The following WDR35 variants were observed in gnomAD, a reference collection of about 807,000 sequenced individuals.
WDR35 encodes WD repeat-containing protein 35.
A neutral mutation model predicts 158.3 loss-of-function variants in WDR35; 118 were observed. The observed-to-expected ratio is 0.75, with a 90% CI of 0.64 to 0.87. The LOEUF (loss-of-function observed/expected upper bound fraction) is 0.87, where lower values mean the gene tolerates loss of function less well. Ranked by LOEUF, WDR35 falls within the 40% of genes least tolerant of loss-of-function variation. The probability of loss-of-function intolerance (pLI) is 0.00; values close to 1 mark genes in which losing one functional copy is unlikely to be tolerated. For synonymous variants in WDR35, 448 were observed against 476.1 expected (o/e 0.94, Z 0.77); for missense variants, 1,263 against 1,405.8 (o/e 0.90, Z 1.62).
intron 11 of WDR35, among the ~76,000 whole-genome samples, chr2:19,955,236 C>T (rs1671389679): frequency 1.3e-5 from 2 of 152,206 alleles, no homozygotes; most frequent in South Asian, 2.1e-4. Flanking sequence ...AGGCATGAGC[C>T]ACCCCGCCTG....
At chr2:19,933,620 T>C in intron 21 of WDR35, 109 bp from the exon 22 acceptor site, 3 of 950,820 alleles carry the variant, frequency 3.2e-6, no homozygotes, top group Non-Finnish European at 4.9e-6. Context: ...TACTGGTAGT[T>C]ACAGATTTTT....
Position 19,934,071 on chromosome 2 carries a change from C to CCAG in WDR35, c.2548-561_2548-560insCTG, listed in dbSNP as rs1308218184. 1.4e-5 allele frequency among the ~76,000 whole-genome samples: 2 copies of CCAG among 139,224 alleles called. No homozygotes were observed. Among genetic ancestry groups the CCAG allele is most frequent in the Admixed American group, 1.5e-4 (2 of 13,062 alleles). 91.3% of individuals were successfully genotyped at this position (139,224 alleles called of 152,430 possible). On this transcript the variant is annotated intron_variant, in intron 21 of 26. Transcript: ENST00000281405. This position sits in a 1 kb window ranked among gnomAD's most constrained non-coding sequence, Gnocchi z 4.6. The stretch of plus-strand genomic sequence containing the variant: ...ACCACCACCACCACCACCACCACCA[C>CCAG]CACAAAAAAAAATCCTACTTGTTCA...
chr2:19,936,550 T>C (rs747005652), intron 19 of WDR35, among the ~76,000 whole-genome samples, 185 bp from the exon 20 acceptor site: 6 of 152,122 alleles, frequency 3.9e-5, no homozygotes, highest in Non-Finnish European at 8.8e-5. Flanking sequence ...GAGGTTATGG[T>C]TTGAATGTGT....
chr2:19,917,521 T>G (rs1227020853), intron 25 of WDR35, among the ~76,000 whole-genome samples: 2 of 152,206 alleles, frequency 1.3e-5, no homozygotes, highest in Non-Finnish European at 2.9e-5. Flanking sequence ...AATTGCTAAC[T>G]AGAATAACCA....
intron 8 of WDR35, among the ~76,000 whole-genome samples, chr2:19,972,072 T>C (rs1170140065): frequency 6.6e-6 from 1 of 152,202 alleles, no homozygotes; most frequent in Admixed American, 6.5e-5. Flanking sequence ...AAGACCACAG[T>C]GCAAAACCCA....
Position 19,969,460 on chromosome 2 carries a change from C to T in WDR35, c.1008+20G>A. The T allele has an allele frequency of 1.9e-6, 3 of 1,602,024 alleles. No homozygotes were observed. Among genetic ancestry groups the T allele is most frequent in the Non-Finnish European group, 2.6e-6 (3 of 1,171,276 alleles). ...TTAGTAAGAAACACTGTTTATTTTA[C>T]AACTGCTCTTAATATTTACCTTATA... On this transcript the variant is annotated intron_variant, in intron 9 of 26. Coordinates refer to ENST00000281405, the MANE Select transcript of WDR35 (RefSeq NM_020779.4).
At chr2:19,985,408 T>A (rs1672526248) in intron 2 of WDR35, among the ~76,000 whole-genome samples, 1 of 149,214 alleles carries the variant, frequency 6.7e-6, no homozygotes. Context: ...AGGACCATCA[T>A]CCTCAAACCC....
rs376360763 is a variant in WDR35, at chr2:19,960,605, C to T, written c.1204G>A (p.Val402Ile). 4.4e-6 allele frequency: 7 copies of T among 1,608,106 alleles called. No individual in the cohort carries two copies. In the African/African-American group the frequency reaches 9.4e-5, roughly 22 times the overall value. Reference sequence around the variant, plus strand: ...GGTGTACCAATAGAATTACAAAGAACTAGTACAAACTGTGAACAAATAAAA... The same window carrying T: ...GGTGTACCAATAGAATTACAAAGAATTAGTACAAACTGTGAACAAATAAAA... ...ADENHPQFVL[V>I]LCNSIGTPLD... Residue 402 changes from valine (V) to isoleucine (I), a missense_variant, in exon 11 of 27, where the codon GTT becomes ATT. Val to Ile is a conservative substitution (Grantham distance 29). Transcript: ENST00000281405.
chr2:19,960,631 C>A lies in WDR35; in HGVS notation c.1195-17G>T. The A allele has an allele frequency of 6.4e-7, 1 of 1,572,204 alleles. No homozygotes were observed. Among genetic ancestry groups the A allele is most frequent in the Non-Finnish European group, 8.7e-7 (1 of 1,144,372 alleles). ...TAGTACAAACTGTGAACAAATAAAA[C>A]AAAAAGTATCAGAACTCCTGCTTAT... On this transcript the variant is annotated splice_polypyrimidine_tract_variant and intron_variant, in intron 10 of 26. Coordinates refer to ENST00000281405, the MANE Select transcript of WDR35 (RefSeq NM_020779.4).
chr2:19,975,604 C>T lies in WDR35; in HGVS notation c.496G>A (p.Ala166Thr), dbSNP rs371419460. 13 of 1,614,098 alleles carry T rather than the reference C, an allele frequency of 8.1e-6. 1 individual carries two copies. Among genetic ancestry groups the T allele is most frequent in the Middle Eastern group, 1.7e-4 (1 of 6,060 alleles). ...GIQLSHVTWS[A>T]DSKVLLFGMA... Reference sequence around the variant, plus strand: ...CCAAAAAGTAAGACTTTACTGTCCGCAGACCATGTTACATGGGATAGCTGT... The same window carrying T: ...CCAAAAAGTAAGACTTTACTGTCCGTAGACCATGTTACATGGGATAGCTGT... The change falls in exon 6 of 27, where the codon GCG becomes ACG. Residue 166 changes from alanine to threonine, a missense_variant. By Grantham distance (58) the Ala-to-Thr change is moderately conservative. Transcript: ENST00000281405.
In WDR35 at chr2:19,974,366, GC is replaced by G. The variant is rs756172337; in HGVS notation, c.736+101del. On this transcript the variant is annotated intron_variant, in intron 7 of 26. Coordinates refer to ENST00000281405, the MANE Select transcript of WDR35 (RefSeq NM_020779.4). Reference sequence around the variant, plus strand: ...AGAAGTTGCCGTGAGCCAAGATCGTGCCACTGCACTCCAGCCTGGGCGACAG... The same window carrying G: ...AGAAGTTGCCGTGAGCCAAGATCGTGCACTGCACTCCAGCCTGGGCGACAG... The G allele has an allele frequency of 6.8e-4, 815 of 1,202,262 alleles. 6 individuals are homozygous for G. Among genetic ancestry groups the G allele is most frequent in the Non-Finnish European group, 2.2e-4 (190 of 871,588 alleles). 74.5% of individuals were successfully genotyped at this position (1,202,262 alleles called of 1,614,324 possible).
intron 13 of WDR35, among the ~76,000 whole-genome samples, chr2:19,948,498 G>T (rs1377966740): frequency 6.6e-6 from 1 of 152,112 alleles, no homozygotes; most frequent in South Asian, 2.1e-4. Context: ...AGAAACAGAG[G>T]TTATGACAGT....
Position 19,912,553 on chromosome 2 carries a change from G to T in WDR35, c.*1005C>A, listed in dbSNP as rs746476400. ...ATTGTAGCTGCAAAAACAAAGTTGC[G>T]TATCTCTATGTATTGCCTCTACTAT... On this transcript the variant is annotated 3_prime_UTR_variant, in exon 27 of 27. Transcript: ENST00000281405. The T allele has an allele frequency of 6.6e-6, 1 of 152,182 alleles. No homozygotes were observed. The highest frequency in any genetic ancestry group is 1.5e-5 in the Non-Finnish European group (1 of 68,022). 9.4% of individuals were successfully genotyped at this position (152,182 alleles called of 1,614,324 possible).
At chr2:19,969,419 GC>G in intron 9 of WDR35, 60 bp downstream of exon 9, 1 of 1,540,740 alleles carries the variant, frequency 6.5e-7, no homozygotes, top group East Asian at 2.3e-5. Flanking sequence ...TATACTTTGA[GC>G]TATAGCAAAA....
chr2:19,984,568 T>C (rs1011406216), intron 2 of WDR35, among the ~76,000 whole-genome samples: 8 of 152,194 alleles, frequency 5.3e-5, no homozygotes, highest in African/African-American at 1.9e-4. Context: ...TGTAAAGGAA[T>C]TTCAGAATGA....
At chr2:19,965,356 C>T (rs1300718389) in intron 10 of WDR35, among the ~76,000 whole-genome samples, 1 of 152,190 alleles carries the variant, frequency 6.6e-6, no homozygotes, top group Admixed American at 6.5e-5. Context: ...AAGAGTCAGA[C>T]ATTGAAAAGC....
At position 19,953,902 on chromosome 2, in the gene WDR35, A is replaced by T. The variant is rs1216888787; in HGVS notation, c.1332T>A (p.Arg444=). The change falls in exon 12 of 27, where the codon CGT becomes CGA. Residue 444 remains arginine, a synonymous_variant. Coordinates refer to ENST00000281405, the MANE Select transcript of WDR35 (RefSeq NM_020779.4). ...SKEAFYTWQY[R]VAKKLTALEI... ...CCAATGCTGTGAGCTTCTTTGCCAC[A>T]CGATATTGCCAGGTATAAAATGCTT... 1.9e-6 allele frequency: 3 copies of T among 1,614,142 alleles called. No individual in the cohort carries two copies. The South Asian group carries it at 3.3e-5, about 18-fold the overall frequency.
intron 25 of WDR35, among the ~76,000 whole-genome samples, chr2:19,917,863 C>CCAACGTT: frequency 6.6e-6 from 1 of 152,184 alleles, no homozygotes. Flanking sequence ...GCAAGGCAGG[C>CCAACGTT]CAACATTCAA....
Position 19,953,922 on chromosome 2 carries a change from A to G in WDR35, c.1312T>C (p.Phe438Leu), listed in dbSNP as rs1454326140. 6.2e-7 allele frequency: 1 copy of G among 1,614,162 alleles called. No individual in the cohort carries two copies. Reference sequence around the variant, plus strand: ...GCCACACGATATTGCCAGGTATAAAATGCTTCTTTCGAGGCTGCTATCACA... The same window carrying G: ...GCCACACGATATTGCCAGGTATAAAGTGCTTCTTTCGAGGCTGCTATCACA... ...THVIAASKEA[F>L]YTWQYRVAKK... The change falls in exon 12 of 27, where the codon TTT becomes CTT. Residue 438 changes from phenylalanine (F) to leucine (L), a missense_variant. Phe to Leu is a conservative substitution (Grantham distance 22). Transcript: ENST00000281405.
Sources: allele counts gnomAD v4.1 joint callset (sites outside exome capture counted in the v4.1 genomes callset), GRCh38; gene constraint gnomAD v4.1.1; non-coding constraint Gnocchi (gnomAD v3.1); transcripts MANE v1.5; gene names NCBI Gene and HGNC (gene_info 2026-07-23, HGNC 2026-07-21).